The following CCDC191 variants were observed in gnomAD, a reference collection of about 807,000 sequenced individuals.
CCDC191 encodes the protein coiled-coil domain-containing protein 191.
CCDC191 carries 99 observed loss-of-function variants against 114.0 expected under a neutral mutation model. The observed-to-expected ratio is 0.87, with a 90% CI of 0.74 to 1.03. The LOEUF (loss-of-function observed/expected upper bound fraction) is 1.03, where lower values mean the gene tolerates loss of function less well. Among genes scored for constraint, CCDC191 ranks in the 50% least tolerant of loss-of-function variants. The pLI, the probability that CCDC191 is intolerant of heterozygous loss-of-function variation, is 0.00. For synonymous variants in CCDC191, 351 were observed against 376.0 expected, an observed-to-expected ratio of 0.93 and a Z score of 0.77; for missense variants, 973 against 1,087.0, an observed-to-expected ratio of 0.90 and a Z score of 1.47.
At chr3:113,979,789 C>G (rs79706912) in intron 14 of CCDC191, among the ~76,000 whole-genome samples, 1 of 152,294 alleles carries the variant, frequency 6.6e-6, no homozygotes, top group East Asian at 1.9e-4. Flanking sequence ...AGATTTCTGC[C>G]TGTCCTGGAC....
chr3:114,024,243 CT>C (rs1161247879), intron 7 of CCDC191, among the ~76,000 whole-genome samples: 2 of 152,198 alleles, frequency 1.3e-5, no homozygotes, highest in Non-Finnish European at 2.9e-5. Context: ...TACTTTTACA[CT>C]GTTGGTGGGA....
At chr3:113,968,505 G>A (rs1940456159) in intron 16 of CCDC191, among the ~76,000 whole-genome samples, 1 of 151,588 alleles carries the variant, frequency 6.6e-6, no homozygotes, top group South Asian at 2.1e-4. Context: ...CTGGACTGTA[G>A]CAGTGTGATG....
At chr3:114,047,716 T>C (rs1490045765) in intron 2 of CCDC191, among the ~76,000 whole-genome samples, 1 of 152,180 alleles carries the variant, frequency 6.6e-6, no homozygotes, top group Non-Finnish European at 1.5e-5. Context: ...TGGCTCATGC[T>C]GTAATCCCAG....
intron 5 of CCDC191, 50 bp downstream of exon 5, chr3:114,036,558 C>T (rs1371071133): frequency 5.1e-6 from 7 of 1,368,498 alleles, no homozygotes. Context: ...AAATGTGTTA[C>T]ACAAAGACTG....
At chr3:114,018,913 G>T (rs780255447) in intron 7 of CCDC191, 45 bp from the exon 8 acceptor site, 4 of 1,558,930 alleles carry the variant, frequency 2.6e-6, no homozygotes, top group Non-Finnish European at 3.5e-6. Flanking sequence ...CAGCGCTAGT[G>T]TTTCTAATAT....
chr3:113,978,486 T>C (rs926255960), intron 15 of CCDC191, 155 bp from the exon 16 acceptor site: 2 of 725,094 alleles, frequency 2.8e-6, no homozygotes, highest in African/African-American at 3.6e-5. Flanking sequence ...CAAGAAAATA[T>C]CCTCTATAAT....
intron 13 of CCDC191, among the ~76,000 whole-genome samples, chr3:114,000,988 G>A (rs561546192): frequency 1.3e-5 from 2 of 152,158 alleles, no homozygotes; most frequent in African/African-American, 4.8e-5. Flanking sequence ...AGCACATGAT[G>A]TCAAATACTC....
At chr3:113,966,823 G>A (rs1179509074) in intron 16 of CCDC191, among the ~76,000 whole-genome samples, 1 of 152,128 alleles carries the variant, frequency 6.6e-6, no homozygotes, top group Non-Finnish European at 1.5e-5. Context: ...GCATGGCTGG[G>A]TGCGGTGGGT....
chr3:114,000,427 C>T (rs1409461957), intron 13 of CCDC191, among the ~76,000 whole-genome samples: 3 of 152,160 alleles, frequency 2.0e-5, no homozygotes, highest in Non-Finnish European at 4.4e-5. Flanking sequence ...TTTCTTGGGT[C>T]TCCAGATGGC....
intron 7 of CCDC191, among the ~76,000 whole-genome samples, chr3:114,025,748 T>G (rs2076311700): frequency 6.6e-6 from 1 of 152,182 alleles, no homozygotes; most frequent in Non-Finnish European, 1.5e-5. Flanking sequence ...CTCTTTGCCT[T>G]CTTTCTTCAT....
At chr3:114,004,790 T>C (rs2075920505) in intron 10 of CCDC191, 44 bp from the exon 11 acceptor site, 1 of 1,582,978 alleles carries the variant, frequency 6.3e-7, no homozygotes, top group Admixed American at 1.8e-5. Flanking sequence ...ACTAACCAGT[T>C]TCCTTCAAAC....
intron 3 of CCDC191, among the ~76,000 whole-genome samples, chr3:114,045,676 C>A (rs147875613): frequency 5.1e-4 from 78 of 152,296 alleles, no homozygotes; most frequent in African/African-American, 1.6e-3. Context: ...TCTCCTCACT[C>A]CCGCCAGCTT....
At position 114,023,345 on chromosome 3, in the gene CCDC191, G is replaced by C. The variant is rs142059811; in HGVS notation, c.973-4477C>G. Among the ~76,000 whole-genome samples the C allele has an allele frequency of 6.2e-4, 94 of 152,216 alleles. 1 individual carries two copies. The highest frequency in any genetic ancestry group is 2.2e-3 in the African/African-American group (91 of 41,536). On this transcript the variant is annotated intron_variant, in intron 7 of 16. Transcript: ENST00000295878. ...ACCAATGACTTTCTTCACAGAAGTG[G>C]AAAAAACTACTTTAAAGTTCATATG...
intron 16 of CCDC191, 135 bp downstream of exon 16, chr3:113,978,051 A>G (rs2074995010): frequency 1.1e-6 from 1 of 878,348 alleles, no homozygotes; most frequent in Admixed American, 2.3e-5. Flanking sequence ...GTGAGCCGGG[A>G]CTCCCACCCC....
intron 13 of CCDC191, among the ~76,000 whole-genome samples, chr3:113,990,323 G>A (rs2075514743): frequency 1.3e-5 from 2 of 152,038 alleles, no homozygotes; most frequent in South Asian, 4.1e-4. Context: ...TGTTCCAAGA[G>A]ACTTGAAAAC....
chr3:114,010,516 C>T (rs937695909), intron 9 of CCDC191, among the ~76,000 whole-genome samples: 6 of 152,108 alleles, frequency 3.9e-5, no homozygotes, highest in Admixed American at 2.0e-4. Context: ...TTTTCCTAAA[C>T]GAATATTTTA....
rs776236811 is a variant in CCDC191, at chr3:113,978,230, G to T, written c.2562C>A (p.Ile854=). ...AWFNMVREVK[I]DSQGKHEIAA... Reference sequence around the variant, plus strand: ...CAATCTCATGCTTGCCCTGAGAATCGATCTTCACCTCCCTGACCATGTTAA... The same window carrying T: ...CAATCTCATGCTTGCCCTGAGAATCTATCTTCACCTCCCTGACCATGTTAA... Residue 854 remains isoleucine (I), a synonymous_variant, in exon 16 of 17, where the codon ATC becomes ATA. Transcript: ENST00000295878. 6.2e-7 allele frequency: 1 copy of T among 1,613,962 alleles called. No homozygotes were observed. The highest frequency in any genetic ancestry group is 8.5e-7 in the Non-Finnish European group (1 of 1,179,930).
At position 114,056,520 on chromosome 3, in the gene CCDC191, C is replaced by A. The variant is rs781325143; in HGVS notation, c.-54G>T. 1 of 1,613,028 alleles carries A rather than the reference C, an allele frequency of 6.2e-7. No individual in the cohort carries two copies. Among genetic ancestry groups the A allele is most frequent in the Admixed American group, 1.7e-5 (1 of 60,022 alleles). On this transcript the variant is annotated 5_prime_UTR_variant, in exon 1 of 17. Coordinates refer to ENST00000295878, the MANE Select transcript of CCDC191 (RefSeq NM_020817.2). The stretch of plus-strand genomic sequence containing the variant: ...AAAGCTGCAGCAACCGCCCTTCTGC[C>A]CGGGCTGCCTCCGGGTCACGCTGGG...
rs371594714 is a variant in CCDC191, at chr3:114,020,997, T to C, written c.973-2129A>G. On this transcript the variant is annotated intron_variant, in intron 7 of 16. Transcript: ENST00000295878. ...ATGATTTACTTCACCAAGCTAAAAC[T>C]TCAAGTAGAGAAAGGTTTAATGACT... Among the ~76,000 whole-genome samples, 16 of 152,248 alleles carry C rather than the reference T, an allele frequency of 1.1e-4. No individual in the cohort carries two copies. The South Asian group carries it at 3.3e-3, about 32-fold the overall frequency.
Sources: allele counts gnomAD v4.1 joint callset (sites outside exome capture counted in the v4.1 genomes callset), GRCh38; gene constraint gnomAD v4.1.1; transcripts MANE v1.5; gene names NCBI Gene and HGNC (gene_info 2026-07-23, HGNC 2026-07-21).